CAMSAP3: variants seen among roughly 807,000 people sequenced by gnomAD.
The protein encoded by CAMSAP3 is calmodulin-regulated spectrin-associated protein 3.
A neutral mutation model predicts 112.5 loss-of-function variants in CAMSAP3; 34 were observed. The ratio of observed to expected loss-of-function variants is 0.30; its 90% CI spans 0.23 to 0.40. The LOEUF is 0.40. CAMSAP3 is among the 10% of genes least tolerant of loss of function. The pLI is 1.00. For missense variants in CAMSAP3, 1,602 were observed against 1,770.3 expected (o/e 0.90, Z 1.71); for synonymous variants, 868 against 799.8 (o/e 1.09, Z -1.44).
At chr19:7,603,589 A>G (rs1335803200) in intron 1 of CAMSAP3, among the ~76,000 whole-genome samples, 1 of 152,172 alleles carries the variant, frequency 6.6e-6, no homozygotes, top group African/African-American at 2.4e-5. Flanking sequence ...GCTTACCCCT[A>G]TAATCCCAGC....
intron 11 of CAMSAP3, among the ~76,000 whole-genome samples, chr19:7,614,283 A>G (rs1457623895): frequency 7.0e-6 from 1 of 142,530 alleles, no homozygotes; most frequent in African/African-American, 2.6e-5. Flanking sequence ...AAAAAAAAAA[A>G]GTGAGCACAG....
Position 7,610,667 on chromosome 19 carries a change from G to T in CAMSAP3, c.901-33G>T. On this transcript the variant is annotated intron_variant, in intron 6 of 16. Transcript: ENST00000160298. This position sits in a 1 kb window ranked among gnomAD's most constrained non-coding sequence, Gnocchi z 4.9. ...CCGAGGCGGGCATCTGGGGCCAGGG[G>T]TCCCGTCTGCTGACCCGGCCTCCCA... 1.2e-6 allele frequency: 2 copies of T among 1,613,866 alleles called. No individual in the cohort carries two copies. The highest frequency in any genetic ancestry group is 1.7e-5 in the Admixed American group (1 of 60,016).
chr19:7,612,669 CG>C lies in CAMSAP3; in HGVS notation c.2178del (p.Leu727SerfsTer68). 1 of 1,511,804 alleles carries C rather than the reference CG, an allele frequency of 6.6e-7. No individual in the cohort carries two copies. Among genetic ancestry groups the C allele is most frequent in the Non-Finnish European group, 8.8e-7 (1 of 1,131,908 alleles). 93.6% of individuals were successfully genotyped at this position (1,511,804 alleles called of 1,614,324 possible). A position where few individuals can be genotyped will look rare whatever the true frequency, so the allele number is the denominator to read the frequency against. On this transcript the variant is annotated frameshift_variant, in exon 11 of 17. Coordinates refer to ENST00000160298, the MANE Select transcript of CAMSAP3 (RefSeq NM_020902.2). LOFTEE classifies it high-confidence loss of function. ...GCAGAGGCTCACGGACCAGCAGCAG[CG>C]GCTCCTGGCCCCGCCCGAGGCCCCC... Reference protein sequence around the residue: ...DMQRLTDQQQRLLAPPEAPGS... With the variant: ...DMQRLTDQQQXLLAPPEAPGS...
Position 7,596,639 on chromosome 19 carries a change from A to G in CAMSAP3, c.148+489A>G, listed in dbSNP as rs547197275. Among the ~76,000 whole-genome samples the G allele has an allele frequency of 2.0e-4, 31 of 151,854 alleles. No homozygotes were observed. The East Asian group carries it at 5.9e-3, about 29-fold the overall frequency. On this transcript the variant is annotated intron_variant, in intron 1 of 16. Transcript: ENST00000160298. Reference sequence around the variant, plus strand: ...GGGGGTCTCGAGCGCTCCGGTCTCCACCACCGCACGACCCCCAGGCCCCAA... The same window carrying G: ...GGGGGTCTCGAGCGCTCCGGTCTCCGCCACCGCACGACCCCCAGGCCCCAA...
intron 1 of CAMSAP3, 68 bp downstream of exon 1, chr19:7,596,218 G>C: frequency 2.5e-6 from 1 of 405,542 alleles, no homozygotes; most frequent in Non-Finnish European, 3.4e-6. Flanking sequence ...GGGGGGGGCG[G>C]GGCGCCGGGC....
At position 7,599,925 on chromosome 19, in the gene CAMSAP3, A is replaced by C. The variant is rs188115807; in HGVS notation, c.148+3775A>C. ...CACCCATCCACCCATCCATCCATCCACCCACCCACCAACTCATCCACCTAC... is the reference window on the plus strand; with the variant it reads ...CACCCATCCACCCATCCATCCATCCCCCCACCCACCAACTCATCCACCTAC... On this transcript the variant is annotated intron_variant, in intron 1 of 16. Coordinates refer to ENST00000160298, the MANE Select transcript of CAMSAP3 (RefSeq NM_020902.2). Among the ~76,000 whole-genome samples, 121 of 20,746 alleles carry C rather than the reference A, an allele frequency of 5.8e-3. 3 individuals are homozygous for C. The highest frequency in any genetic ancestry group is 0.036 in the African/African-American group (117 of 3,272). The allele number at this position is 20,746 out of a possible 152,430, so 13.6% of individuals were successfully genotyped here.
chr19:7,599,577 TCCATCCATCCAC>T lies in CAMSAP3; in HGVS notation c.148+3431_148+3442del, dbSNP rs1283945153. 1.2e-3 allele frequency among the ~76,000 whole-genome samples: 112 copies of T among 92,542 alleles called. 2 individuals are homozygous for T. Among genetic ancestry groups the T allele is most frequent in the African/African-American group, 4.7e-3 (102 of 21,898 alleles). The allele number at this position is 92,542 out of a possible 152,430, so 60.7% of individuals were successfully genotyped here. Reference sequence around the variant, plus strand: ...ATTCATCCATCCATCCATCCATCCATCCATCCATCCACCCACCCACCTACTCACCGCACTCAT... The same window carrying T: ...ATTCATCCATCCATCCATCCATCCATCCACCCACCTACTCACCGCACTCAT... On this transcript the variant is annotated intron_variant, in intron 1 of 16. Transcript: ENST00000160298.
At position 7,615,398 on chromosome 19, in the gene CAMSAP3, C is replaced by T. The variant is rs762768502; in HGVS notation, c.2811-20C>T. The T allele has an allele frequency of 3.8e-5, 58 of 1,538,482 alleles. No homozygotes were observed. The highest frequency in any genetic ancestry group is 4.5e-5 in the Non-Finnish European group (52 of 1,143,296). On this transcript the variant is annotated intron_variant, in intron 12 of 16. Transcript: ENST00000160298. This position sits in a 1 kb window ranked among gnomAD's most constrained non-coding sequence, Gnocchi z 6.5. ...CGGACCCCGTGAGCGGTTCTGATGC[C>T]GATTCCCTGTGATCTGCAGGCTGGC... is the stretch of plus-strand genomic sequence containing the variant.
In CAMSAP3 at chr19:7,617,315, T is replaced by C. The variant is rs1599366535; in HGVS notation, c.3213-11T>C. On this transcript the variant is annotated splice_polypyrimidine_tract_variant and intron_variant, in intron 14 of 16. Transcript: ENST00000160298. The surrounding 1 kb of genome is among the most constrained non-coding windows in gnomAD (Gnocchi z 7.5). ...TGACCCCACCTCCATCCCATCCTTC[T>C]CCCACTGCAGGGCTCCCTCCCCGTC... 6.2e-7 allele frequency: 1 copy of C among 1,601,144 alleles called. No homozygotes were observed. Among genetic ancestry groups the C allele is most frequent in the East Asian group, 2.2e-5 (1 of 44,784 alleles).
intron 1 of CAMSAP3, among the ~76,000 whole-genome samples, chr19:7,596,612 T>C (rs1201232142): frequency 6.6e-6 from 1 of 152,026 alleles, no homozygotes; most frequent in Non-Finnish European, 1.5e-5. Flanking sequence ...CCGACCTCGC[T>C]GGGGGGTCTC....
chr19:7,605,146 T>TGG, intron 1 of CAMSAP3, 80 bp from the exon 2 acceptor site: 2 of 397,116 alleles, frequency 5.0e-6, no homozygotes, highest in Non-Finnish European at 7.1e-6. Flanking sequence ...CCGGGCCATG[T>TGG]GGTGTGTGTG....
chr19:7,616,854 A>G (rs1332424562), intron 14 of CAMSAP3, among the ~76,000 whole-genome samples: 1 of 139,552 alleles, frequency 7.2e-6, no homozygotes, highest in African/African-American at 2.9e-5. Context: ...TTCCTGTGGG[A>G]GGAGGACAGC....
chr19:7,612,838 AAC>A lies in CAMSAP3; in HGVS notation c.2350_2351del (p.Thr784AlafsTer84). ...CCCAGCCAGTCACCCCGCAGCCCGA[AAC>A]ACACGCGGCCAGCGGAGCTGCGGCT... On this transcript the variant is annotated frameshift_variant, in exon 11 of 17. Coordinates refer to ENST00000160298, the MANE Select transcript of CAMSAP3 (RefSeq NM_020902.2). LOFTEE classifies it high-confidence loss of function. The A allele has an allele frequency of 5.0e-6, 8 of 1,584,546 alleles. No individual in the cohort carries two copies. Among genetic ancestry groups the A allele is most frequent in the Non-Finnish European group, 4.3e-6 (5 of 1,167,714 alleles).
rs773330159 is a variant in CAMSAP3, at chr19:7,612,044, A to C, written c.1551A>C (p.Pro517=). The C allele has an allele frequency of 6.2e-7, 1 of 1,612,810 alleles. No individual in the cohort carries two copies. The highest frequency in any genetic ancestry group is 1.3e-5 in the African/African-American group (1 of 74,942). The change falls in exon 11 of 17, where the codon CCA becomes CCC. Residue 517 remains proline (P), a synonymous_variant. Coordinates refer to ENST00000160298, the MANE Select transcript of CAMSAP3 (RefSeq NM_020902.2). ...TGTCCGACAGGCCCACCAAAGCACC[A>C]GTGTACATGCCACACCCCGAGACCC... ...KPLSDRPTKA[P]VYMPHPETPS...
chr19:7,616,769 C>T (rs2030813993), intron 14 of CAMSAP3, 147 bp downstream of exon 14: 11 of 625,562 alleles, frequency 1.8e-5, no homozygotes, highest in Non-Finnish European at 2.9e-5. Context: ...CGTGTGGGCA[C>T]GTGTGCATGG....
intron 2 of CAMSAP3, 117 bp from the exon 3 acceptor site, chr19:7,606,154 C>CCCCCCCCCCCCCCCCCCCCCA: frequency 2.0e-6 from 1 of 488,850 alleles, no homozygotes; most frequent in Non-Finnish European, 3.5e-6. Context: ...CCCTCAAGCC[C>CCCCCCCCCCCCCCCCCCCCCA]CACCCCCCCC....
intron 1 of CAMSAP3, among the ~76,000 whole-genome samples, chr19:7,596,688 C>G (rs2024450539): frequency 6.6e-6 from 1 of 151,926 alleles, no homozygotes; most frequent in African/African-American, 2.4e-5. Context: ...TCGGCCCTGG[C>G]CGCGCTGCGG....
Position 7,610,003 on chromosome 19 carries a change from C to T in CAMSAP3, c.761-473C>T, listed in dbSNP as rs181549959. On this transcript the variant is annotated intron_variant, in intron 5 of 16. Coordinates refer to ENST00000160298, the MANE Select transcript of CAMSAP3 (RefSeq NM_020902.2). This position sits in a 1 kb window ranked among gnomAD's most constrained non-coding sequence, Gnocchi z 4.9. Reference sequence around the variant, plus strand: ...CCACGCCCCGGGGGTTAAGGACCCCCGGCCTAAGGACGGTCTATCATATAA... The same window carrying T: ...CCACGCCCCGGGGGTTAAGGACCCCTGGCCTAAGGACGGTCTATCATATAA... Among the ~76,000 whole-genome samples, 64 of 152,184 alleles carry T rather than the reference C, an allele frequency of 4.2e-4. No individual in the cohort carries two copies. The highest frequency in any genetic ancestry group is 1.4e-3 in the African/African-American group (58 of 41,516).
chr19:7,596,245 C>A, intron 1 of CAMSAP3, 95 bp downstream of exon 1: 1 of 629,154 alleles, frequency 1.6e-6, no homozygotes, highest in Non-Finnish European at 2.0e-6. Context: ...GGCAGGGGGC[C>A]GTGGGAACAA....
Sources: allele counts gnomAD v4.1 joint callset (sites outside exome capture counted in the v4.1 genomes callset), GRCh38; gene constraint gnomAD v4.1.1; non-coding constraint Gnocchi (gnomAD v3.1); transcripts MANE v1.5; gene names NCBI Gene and HGNC (gene_info 2026-07-23, HGNC 2026-07-21).